The following ADGRL3 variants were observed in gnomAD, a reference collection of about 807,000 sequenced individuals.
ADGRL3 encodes the protein calcium-independent alpha-latrotoxin receptor 3.
Under a neutral mutation model 153.5 loss-of-function variants are expected in ADGRL3, and 62 were observed. That is an observed-to-expected ratio of 0.40 (90% CI 0.33 to 0.50). The LOEUF is 0.50. ADGRL3 is among the 20% of genes least tolerant of loss of function. The pLI is 0.47. For missense variants in ADGRL3, 1,641 were observed against 1,859.4 expected (o/e 0.88, Z 2.16); for synonymous variants, 710 against 672.5 (o/e 1.06, Z -0.86).
chr4:62,031,317 G>A, intron 22 of ADGRL3, 125 bp from the exon 23 acceptor site: 4 of 723,634 alleles, frequency 5.5e-6, no homozygotes, highest in South Asian at 2.7e-5. Context: ...TACACCACCT[G>A]TCTTACATTT....
chr4:61,953,143 GT>G (rs2098953818), intron 17 of ADGRL3, among the ~76,000 whole-genome samples: 1 of 152,156 alleles, frequency 6.6e-6, no homozygotes, highest in African/African-American at 2.4e-5. Context: ...TTAGACTGAT[GT>G]TTCAAACAGA....
At chr4:61,271,142 A>G (rs991462057) in intron 1 of ADGRL3, among the ~76,000 whole-genome samples, 2 of 151,858 alleles carry the variant, frequency 1.3e-5, no homozygotes, top group South Asian at 2.1e-4. Flanking sequence ...AGTCAGGCCT[A>G]TAGACTCAAG....
intron 9 of ADGRL3, among the ~76,000 whole-genome samples, chr4:61,838,258 C>T (rs574736750): frequency 4.6e-5 from 7 of 152,070 alleles, no homozygotes; most frequent in African/African-American, 1.7e-4. Flanking sequence ...AGATAAAAAT[C>T]AAATTTAAAT....
Position 61,743,301 on chromosome 4 carries a change from G to C in ADGRL3, c.1399+9747G>C, listed in dbSNP as rs533570045. On this transcript the variant is annotated intron_variant, in intron 8 of 26. Coordinates refer to ENST00000683033, the MANE Select transcript of ADGRL3 (RefSeq NM_001387552.1). Reference sequence around the variant, plus strand: ...GATCGTGCCACTGCACTCCAGCCTGGGTGACAGAGCAAGACTCCATCTCAA... The same window carrying C: ...GATCGTGCCACTGCACTCCAGCCTGCGTGACAGAGCAAGACTCCATCTCAA... Among the ~76,000 whole-genome samples the C allele has an allele frequency of 8.2e-4, 117 of 143,206 alleles. 3 individuals carry two copies. Among genetic ancestry groups the C allele is most frequent in the Non-Finnish European group, 7.2e-4 (48 of 66,442 alleles). The allele number at this position is 143,206 out of a possible 152,430, so 93.9% of individuals were successfully genotyped here.
At chr4:61,899,740 A>C (rs1231720064) in intron 11 of ADGRL3, among the ~76,000 whole-genome samples, 1 of 152,182 alleles carries the variant, frequency 6.6e-6, no homozygotes, top group Non-Finnish European at 1.5e-5. Context: ...GAGGCTGGAA[A>C]GTCCAAGATC....
At chr4:61,714,218 T>TACGCACACACACACACACAC (rs143768783) in intron 6 of ADGRL3, among the ~76,000 whole-genome samples, 21 of 128,978 alleles carry the variant, frequency 1.6e-4, no homozygotes, top group South Asian at 4.8e-4. Context: ...CCATGTAAAA[T>TACGCACACACACACACACAC]ACGCACACAC....
At chr4:61,598,311 G>A (rs2098997588) in intron 5 of ADGRL3, among the ~76,000 whole-genome samples, 1 of 152,072 alleles carries the variant, frequency 6.6e-6, no homozygotes, top group African/African-American at 2.4e-5. Flanking sequence ...ACAGAAAAGT[G>A]GATCTTAATG....
intron 5 of ADGRL3, among the ~76,000 whole-genome samples, chr4:61,622,234 C>T (rs1450595421): frequency 3.3e-5 from 5 of 151,956 alleles, no homozygotes; most frequent in African/African-American, 1.2e-4. Context: ...TGTAAAGCTT[C>T]TATATTCAAA....
At chr4:61,818,939 G>A (rs1448299865) in intron 9 of ADGRL3, among the ~76,000 whole-genome samples, 1 of 151,902 alleles carries the variant, frequency 6.6e-6, no homozygotes, top group Non-Finnish European at 1.5e-5. Flanking sequence ...AAATAACAAT[G>A]CAAAAACTCT....
intron 6 of ADGRL3, among the ~76,000 whole-genome samples, chr4:61,707,463 A>T (rs2095875286): frequency 6.6e-6 from 1 of 152,236 alleles, no homozygotes; most frequent in Non-Finnish European, 1.5e-5. Flanking sequence ...TAAAATACAG[A>T]GTGATAATGT....
At chr4:61,670,295 A>AAT (rs967921922) in intron 5 of ADGRL3, among the ~76,000 whole-genome samples, 58 of 151,510 alleles carry the variant, frequency 3.8e-4, no homozygotes, top group Admixed American at 1.8e-3. Context: ...TTCTCTCAAA[A>AAT]ATATATATAT....
At chr4:61,285,102 GA>G in intron 1 of ADGRL3, among the ~76,000 whole-genome samples, 1 of 151,520 alleles carries the variant, frequency 6.6e-6, no homozygotes, top group Non-Finnish European at 1.5e-5. Flanking sequence ...TGTAGAGAAA[GA>G]AAAAAATACG....
At chr4:61,525,043 A>T (rs1182991106) in intron 4 of ADGRL3, among the ~76,000 whole-genome samples, 1 of 152,030 alleles carries the variant, frequency 6.6e-6, no homozygotes, top group African/African-American at 2.4e-5. Flanking sequence ...TTCCTCAAGG[A>T]CTTTGCAATC....
intron 5 of ADGRL3, among the ~76,000 whole-genome samples, chr4:61,626,459 A>G (rs1270058057): frequency 6.6e-6 from 1 of 152,004 alleles, no homozygotes; most frequent in Admixed American, 6.5e-5. Flanking sequence ...TTAATATCCT[A>G]TTAGTACTGT....
intron 1 of ADGRL3, among the ~76,000 whole-genome samples, chr4:61,381,960 G>C (rs1464992876): frequency 6.6e-6 from 1 of 151,900 alleles, no homozygotes; most frequent in East Asian, 1.9e-4. Context: ...GAGTTTCATT[G>C]CTTTAATATT....
intron 5 of ADGRL3, among the ~76,000 whole-genome samples, chr4:61,602,986 G>C (rs1375384160): frequency 6.6e-6 from 1 of 151,996 alleles, no homozygotes; most frequent in Non-Finnish European, 1.5e-5. Context: ...CATTCCTTTG[G>C]CCTGGGTATT....
chr4:61,586,154 A>G (rs558627567), intron 4 of ADGRL3, among the ~76,000 whole-genome samples: 1 of 152,174 alleles, frequency 6.6e-6, no homozygotes, highest in South Asian at 2.1e-4. Flanking sequence ...TTCATTTTCA[A>G]GTTTATTTGA....
At chr4:61,820,779 C>T (rs956787981) in intron 9 of ADGRL3, among the ~76,000 whole-genome samples, 1 of 152,106 alleles carries the variant, frequency 6.6e-6, no homozygotes, top group Non-Finnish European at 1.5e-5. Flanking sequence ...CATGAGAGTT[C>T]TTAGCAGGAC....
intron 25 of ADGRL3, among the ~76,000 whole-genome samples, chr4:62,056,728 G>A (rs1242918363): frequency 9.9e-5 from 15 of 152,104 alleles, no homozygotes; most frequent in Admixed American, 4.6e-4. Context: ...ATTTATATAC[G>A]TTAATGTATA....
Sources: allele counts gnomAD v4.1 joint callset (sites outside exome capture counted in the v4.1 genomes callset), GRCh38; gene constraint gnomAD v4.1.1; transcripts MANE v1.5; gene names NCBI Gene and HGNC (gene_info 2026-07-23, HGNC 2026-07-21).